The following CRADD variants were observed in gnomAD, a reference collection of about 807,000 sequenced individuals.
CRADD encodes the protein CARD and death domain containing adaptor protein.
CRADD carries 9 observed loss-of-function variants against 15.5 expected under a neutral mutation model. The ratio of observed to expected loss-of-function variants is 0.58; its 90% confidence interval spans 0.35 to 1.01. The LOEUF (loss-of-function observed/expected upper bound fraction) is 1.01, where lower values mean the gene tolerates loss of function less well. Among genes scored for constraint, CRADD ranks in the 50% least tolerant of loss-of-function variants. CRADD has a pLI of 0.02. For synonymous variants in CRADD, 118 were observed against 107.6 expected (o/e 1.10, Z -0.60); for missense variants, 227 against 250.3 (o/e 0.91, Z 0.63).
intron 2 of CRADD, among the ~76,000 whole-genome samples, chr12:93,750,235 A>AG (rs1338763168): frequency 3.9e-5 from 6 of 152,056 alleles, no homozygotes; most frequent in Non-Finnish European, 7.4e-5. Context: ...TTCAAGGGAG[A>AG]GGGAAGTGTG....
chr12:93,858,470 T>G (rs1294661250), intron 2 of CRADD, among the ~76,000 whole-genome samples: 1 of 152,206 alleles, frequency 6.6e-6, no homozygotes, highest in Non-Finnish European at 1.5e-5. Flanking sequence ...AGTACAAGAC[T>G]TAGATTAAGT....
At position 93,726,265 on chromosome 12, in the gene CRADD, A is replaced by G. The variant is rs553318447; in HGVS notation, c.298+47193A>G. ...ATTACAGGCACCCACCACCATGCCCAGCTAATTTTTGTATTTTGATTAGAG... is the reference window on the plus strand; with the variant it reads ...ATTACAGGCACCCACCACCATGCCCGGCTAATTTTTGTATTTTGATTAGAG... On this transcript the variant is annotated intron_variant, in intron 2 of 2. Coordinates refer to ENST00000332896, the MANE Select transcript of CRADD (RefSeq NM_003805.5). Among the ~76,000 whole-genome samples the G allele has an allele frequency of 7.7e-4, 117 of 151,960 alleles. 1 individual carries two copies. The highest frequency in any genetic ancestry group is 2.3e-3 in the African/African-American group (97 of 41,472).
At chr12:93,720,419 G>C (rs563612429) in intron 2 of CRADD, among the ~76,000 whole-genome samples, 1 of 152,234 alleles carries the variant, frequency 6.6e-6, no homozygotes, top group Non-Finnish European at 1.5e-5. Context: ...TGATGGAATA[G>C]TCTATAGATG....
intron 2 of CRADD, among the ~76,000 whole-genome samples, chr12:93,864,035 C>T (rs1452662769): frequency 6.6e-6 from 1 of 152,054 alleles, no homozygotes; most frequent in Non-Finnish European, 1.5e-5. Flanking sequence ...GCAGCTATGG[C>T]CACATGCCCA....
chr12:93,760,579 A>G (rs1354387450), intron 2 of CRADD, among the ~76,000 whole-genome samples: 1 of 152,172 alleles, frequency 6.6e-6, no homozygotes, highest in Non-Finnish European at 1.5e-5. Flanking sequence ...TTTCATATCT[A>G]CTGCTCACAG....
intron 2 of CRADD, among the ~76,000 whole-genome samples, chr12:93,880,746 G>A (rs1319040901): frequency 6.6e-6 from 1 of 152,104 alleles, no homozygotes. Flanking sequence ...ATTTCTTCAG[G>A]TCTTCTTTGG....
intron 2 of CRADD, among the ~76,000 whole-genome samples, chr12:93,839,633 A>G (rs542538815): frequency 6.6e-6 from 1 of 152,358 alleles, no homozygotes; most frequent in African/African-American, 2.4e-5. Context: ...CTATACATAT[A>G]AAGTGCTTTA....
intron 2 of CRADD, among the ~76,000 whole-genome samples, chr12:93,712,329 G>C (rs1482989438): frequency 6.6e-6 from 1 of 151,938 alleles, no homozygotes; most frequent in Non-Finnish European, 1.5e-5. Flanking sequence ...CTAGTTTATT[G>C]TCTTTCACTT....
chr12:93,802,381 A>G (rs570803289), intron 2 of CRADD, among the ~76,000 whole-genome samples: 1 of 152,288 alleles, frequency 6.6e-6, no homozygotes, highest in Non-Finnish European at 1.5e-5. Context: ...ATTATGTCTT[A>G]GGCTGTATTT....
intron 2 of CRADD, among the ~76,000 whole-genome samples, chr12:93,750,602 AT>A (rs903330376): frequency 4.6e-5 from 7 of 151,484 alleles, no homozygotes; most frequent in African/African-American, 9.7e-5. Context: ...TTATTCCAGT[AT>A]TTTTTTTTCT....
At chr12:93,807,000 G>A (rs1442556532) in intron 2 of CRADD, among the ~76,000 whole-genome samples, 1 of 152,110 alleles carries the variant, frequency 6.6e-6, no homozygotes, top group Non-Finnish European at 1.5e-5. Flanking sequence ...CTTGCTTGCA[G>A]GACAGGGAGA....
At chr12:93,855,565 A>G (rs544349204), downstream of CRADD, among the ~76,000 whole-genome samples, 1 of 152,334 alleles carries the variant, frequency 6.6e-6, no homozygotes, top group East Asian at 1.9e-4. Flanking sequence ...GAAATGATCC[A>G]TTTGCCTGGC....
At chr12:93,874,179 G>A (rs1958442040) in intron 2 of CRADD, among the ~76,000 whole-genome samples, 1 of 151,874 alleles carries the variant, frequency 6.6e-6, no homozygotes, top group Admixed American at 6.6e-5. Flanking sequence ...TTGGTAGGTT[G>A]TATTTTTCTA....
chr12:93,838,084 A>C (rs1957995482), intron 2 of CRADD: 1 of 152,150 alleles, frequency 6.6e-6, no homozygotes, highest in South Asian at 2.1e-4. Context: ...GTTTCACTTA[A>C]TCATCCTGGA....
At chr12:93,696,768 AT>A (rs1955716803) in intron 2 of CRADD, among the ~76,000 whole-genome samples, 1 of 152,250 alleles carries the variant, frequency 6.6e-6, no homozygotes, top group East Asian at 1.9e-4. Flanking sequence ...ACAATAAAAA[AT>A]AACAATTCAG....
chr12:93,696,066 G>A (rs1955697952), intron 2 of CRADD, among the ~76,000 whole-genome samples: 1 of 152,184 alleles, frequency 6.6e-6, no homozygotes, highest in African/African-American at 2.4e-5. Context: ...AATTCTAGGT[G>A]CTTATTAAAA....
exon 3 of CRADD, chr12:93,894,227 C>G: frequency 5.0e-5 from 27 of 538,600 alleles, no homozygotes; most frequent in East Asian, 2.1e-4. Context: ...TTGACAATGT[C>G]TGGAGGCGTT....
At chr12:93,716,118 C>T (rs140596992) in intron 2 of CRADD, among the ~76,000 whole-genome samples, 2,861 of 141,860 alleles carry the variant, frequency 0.02, 74 homozygotes, top group African/African-American at 0.071. Context: ...TGTGACAGAG[C>T]AAGACTCCAC....
intron 2 of CRADD, among the ~76,000 whole-genome samples, chr12:93,787,260 A>G (rs1957288832): frequency 6.9e-6 from 1 of 145,870 alleles, no homozygotes; most frequent in South Asian, 2.1e-4. Flanking sequence ...GGCTAGAGTA[A>G]TTTTTCGTTA....
Sources: allele counts gnomAD v4.1 joint callset (sites outside exome capture counted in the v4.1 genomes callset), GRCh38; gene constraint gnomAD v4.1.1; transcripts MANE v1.5; gene names NCBI Gene and HGNC (gene_info 2026-07-23, HGNC 2026-07-21).